Variants in KIAA0319L observed in about 807,000 individuals in gnomAD.
KIAA0319L encodes dyslexia-associated protein KIAA0319-like protein.
In KIAA0319L, 55 loss-of-function variants were observed where a neutral mutation model predicts 120.1. That is an observed-to-expected ratio of 0.46 (90% CI 0.37 to 0.57). The LOEUF is 0.57. Ranked by LOEUF, KIAA0319L falls within the 20% of genes least tolerant of loss-of-function variation. The pLI is 0.00. For synonymous variants in KIAA0319L, 398 were observed against 471.9 expected (o/e 0.84, Z 2.03); for missense variants, 1,049 against 1,255.3 (o/e 0.84, Z 2.48).
intron 4 of KIAA0319L, among the ~76,000 whole-genome samples, chr1:35,476,844 T>C (rs1158817017): frequency 6.6e-6 from 1 of 152,250 alleles, no homozygotes; most frequent in Non-Finnish European, 1.5e-5. Context: ...ACTTTGCTTT[T>C]ACCCTCTTGA....
At chr1:35,445,749 T>C (rs1474858534) in intron 16 of KIAA0319L, among the ~76,000 whole-genome samples, 1 of 152,210 alleles carries the variant, frequency 6.6e-6, no homozygotes, top group Non-Finnish European at 1.5e-5. Flanking sequence ...GGCCATGTTC[T>C]TTCCTACTGT....
chr1:35,525,424 T>C (rs960822898), intron 2 of KIAA0319L, among the ~76,000 whole-genome samples: 4 of 152,194 alleles, frequency 2.6e-5, no homozygotes, highest in African/African-American at 4.8e-5. Context: ...GAAATCTCCA[T>C]ACTGTTTTAC....
At chr1:35,535,406 C>T (rs1458052293) in intron 2 of KIAA0319L, among the ~76,000 whole-genome samples, 1 of 152,136 alleles carries the variant, frequency 6.6e-6, no homozygotes. Flanking sequence ...TTGCTCTCTT[C>T]TATCTTTTGG....
rs201083326 is a variant in KIAA0319L at position 35,450,270 on chromosome 1, G to C, written c.2214+88C>G. ...AGAGAACAATCTGGGTTTGATATAA[G>C]GGACCACTTGATTAAAGCATATACT... On this transcript the variant is annotated intron_variant, in intron 14 of 20. Transcript: ENST00000325722. The C allele has an allele frequency of 4.2e-5, 57 of 1,371,790 alleles. No homozygotes were observed. The East Asian group carries it at 1.3e-3, about 30-fold the overall frequency. The allele number at this position is 1,371,790 out of a possible 1,614,324, so 85.0% of individuals were successfully genotyped here.
At chr1:35,439,351 T>C (rs941713432) in intron 20 of KIAA0319L, 1 of 152,248 alleles carries the variant, frequency 6.6e-6, no homozygotes, top group Non-Finnish European at 1.5e-5. Flanking sequence ...GCATATTTTA[T>C]GTATTTGTGA....
At chr1:35,518,239 T>G (rs1297089345) in intron 2 of KIAA0319L, among the ~76,000 whole-genome samples, 2 of 152,114 alleles carry the variant, frequency 1.3e-5, no homozygotes, top group African/African-American at 4.8e-5. Context: ...GGGAAATAAA[T>G]CATTCTACCA....
intron 2 of KIAA0319L, among the ~76,000 whole-genome samples, chr1:35,525,272 A>T (rs1646080710): frequency 6.6e-6 from 1 of 152,136 alleles, no homozygotes; most frequent in African/African-American, 2.4e-5. Flanking sequence ...TTAATTCCAT[A>T]TCTTTGCTAT....
chr1:35,538,528 C>T (rs920661608), intron 2 of KIAA0319L, among the ~76,000 whole-genome samples: 11 of 139,022 alleles, frequency 7.9e-5, no homozygotes, highest in African/African-American at 3.1e-4. Context: ...GAGGTGGAGA[C>T]TGCAGTGAGC....
At chr1:35,436,238 C>T (rs1640779613) in intron 20 of KIAA0319L, among the ~76,000 whole-genome samples, 1 of 152,222 alleles carries the variant, frequency 6.6e-6, no homozygotes, top group Non-Finnish European at 1.5e-5. Context: ...AGGCTGAGCG[C>T]ATCCAGACCC....
intron 7 of KIAA0319L, among the ~76,000 whole-genome samples, chr1:35,465,759 C>T (rs571613966): frequency 1.3e-5 from 2 of 152,152 alleles, no homozygotes; most frequent in African/African-American, 2.4e-5. Context: ...GGGAGGAACC[C>T]AGTGGGAGGA....
In KIAA0319L at chr1:35,469,217, TAG is replaced by T. The variant is rs769577337; in HGVS notation, c.1113+1644_1113+1645del. 6.6e-5 allele frequency among the ~76,000 whole-genome samples: 10 copies of T among 152,278 alleles called. No homozygotes were observed. In the South Asian group the frequency reaches 1.9e-3, roughly 29 times the overall value. ...CTAATTTTTGTATTTTTTGTGGAGT[TAG>T]AGTTTCACCATGTTGTCTAGGCTGG... On this transcript the variant is annotated intron_variant, in intron 6 of 20. Coordinates refer to ENST00000325722, the MANE Select transcript of KIAA0319L (RefSeq NM_024874.5).
intron 20 of KIAA0319L, chr1:35,439,334 T>C (rs1364982312): frequency 6.6e-6 from 1 of 152,204 alleles, no homozygotes; most frequent in Non-Finnish European, 1.5e-5. Flanking sequence ...ATAAAGGCCT[T>C]TTATGAGCAT....
intron 3 of KIAA0319L, among the ~76,000 whole-genome samples, chr1:35,503,064 C>T (rs1036715336): frequency 6.6e-6 from 1 of 152,094 alleles, no homozygotes; most frequent in East Asian, 1.9e-4. Context: ...CTATCCTTCA[C>T]GATGGCTATT....
intron 2 of KIAA0319L, among the ~76,000 whole-genome samples, chr1:35,542,936 T>C (rs1243890009): frequency 1.3e-5 from 2 of 152,248 alleles, no homozygotes; most frequent in East Asian, 3.8e-4. Flanking sequence ...TGCCCAATTA[T>C]GCTAATTTTC....
At chr1:35,454,142 C>A in intron 11 of KIAA0319L, 3 of 509,272 alleles carry the variant, frequency 5.9e-6, no homozygotes, top group South Asian at 3.7e-5. Context: ...AAGGTACCAA[C>A]AACAAGCCAA....
intron 2 of KIAA0319L, among the ~76,000 whole-genome samples, chr1:35,553,571 G>A (rs760123862): frequency 6.0e-4 from 92 of 152,358 alleles, no homozygotes; most frequent in Non-Finnish European, 1.1e-3. Flanking sequence ...GAAAAAGGCT[G>A]ATTAGTTATC....
chr1:35,490,963 T>C (rs563541968), intron 3 of KIAA0319L, among the ~76,000 whole-genome samples: 2 of 152,346 alleles, frequency 1.3e-5, no homozygotes, highest in South Asian at 4.1e-4. Context: ...TCCACCATGA[T>C]TGTAAGTTTC....
intron 2 of KIAA0319L, among the ~76,000 whole-genome samples, chr1:35,543,787 C>G (rs1646881434): frequency 6.6e-6 from 1 of 152,086 alleles, no homozygotes; most frequent in South Asian, 2.1e-4. Context: ...TGATTTTGTC[C>G]CATCTGCAGT....
At chr1:35,498,936 T>C (rs1644906237) in intron 3 of KIAA0319L, among the ~76,000 whole-genome samples, 1 of 152,224 alleles carries the variant, frequency 6.6e-6, no homozygotes, top group African/African-American at 2.4e-5. Flanking sequence ...GCAGTGGCAT[T>C]AGTCGGGTCT....
Sources: allele counts gnomAD v4.1 joint callset (sites outside exome capture counted in the v4.1 genomes callset), GRCh38; gene constraint gnomAD v4.1.1; transcripts MANE v1.5; gene names NCBI Gene and HGNC (gene_info 2026-07-23, HGNC 2026-07-21).